GALNT11: variants seen among roughly 807,000 people sequenced by gnomAD.
The protein encoded by GALNT11 is polypeptide N-acetylgalactosaminyltransferase 11, also known as UDP-GalNAc:polypeptide N-acetylgalactosaminyltransferase 11.
In GALNT11, 47 loss-of-function variants were observed where a neutral mutation model predicts 72.7. The ratio of observed to expected loss-of-function variants is 0.65; its 90% CI spans 0.51 to 0.82. GALNT11 has a LOEUF of 0.82. Ranked by LOEUF, GALNT11 falls within the 40% of genes least tolerant of loss-of-function variation. GALNT11 has a pLI of 0.00. For missense variants in GALNT11, 677 were observed against 778.4 expected, an observed-to-expected ratio of 0.87 and a Z score of 1.55; for synonymous variants, 270 against 286.6, an observed-to-expected ratio of 0.94 and a Z score of 0.58.
In GALNT11 at chr7:152,118,794, C is replaced by T; in HGVS notation, c.1557+12C>T. 6.3e-7 allele frequency: 1 copy of T among 1,594,686 alleles called. No homozygotes were observed. The highest frequency in any genetic ancestry group is 1.1e-5 in the South Asian group (1 of 88,510). ...GTGACCCAAATCAGGTGAGTGACAC[C>T]TCGGGGCTCACAGCCAGTGTCCGCA... On this transcript the variant is annotated intron_variant, in intron 10 of 11. Transcript: ENST00000430044.
Position 152,117,284 on chromosome 7 carries a change from A to G in GALNT11, c.1361A>G (p.Glu454Gly), listed in dbSNP as rs1248271896. The part of the protein sequence containing the change: ...FKWYLDNVYP[E>G]MQISGSHAKP... ...TGGTATTTGGATAATGTATACCCAGAGATGCAGATATCTGGGTCCCACGCC... is the reference window on the plus strand; with the variant it reads ...TGGTATTTGGATAATGTATACCCAGGGATGCAGATATCTGGGTCCCACGCC... The change falls in exon 9 of 12, where the codon GAG becomes GGG. Residue 454 changes from glutamate (E) to glycine (G), a missense_variant. By Grantham distance (98) the Glu-to-Gly change is moderately conservative (BLOSUM62 -2). Transcript: ENST00000430044. 2 of 1,614,108 alleles carry G rather than the reference A, an allele frequency of 1.2e-6. No homozygotes were observed. Among genetic ancestry groups the G allele is most frequent in the Non-Finnish European group, 1.7e-6 (2 of 1,180,052 alleles).
chr7:152,121,612 A>AAGGGCTCTGTC lies in GALNT11; in HGVS notation c.1763_1773dup (p.Ala592ArgfsTer44). 6.2e-7 allele frequency: 1 copy of AAGGGCTCTGTC among 1,614,178 alleles called. No individual in the cohort carries two copies. The highest frequency in any genetic ancestry group is 1.1e-5 in the South Asian group (1 of 91,084). ...GAGAGCAGTGGATCCCCTGGGTCAG[A>AAGGGCTCTGTC]AGGGCTCTGTCGCCATGGCGATCTG... is the stretch of plus-strand genomic sequence containing the variant. On this transcript the variant is annotated frameshift_variant, in exon 12 of 12. Coordinates refer to ENST00000430044, the MANE Select transcript of GALNT11 (RefSeq NM_022087.4). LOFTEE classifies it high-confidence loss of function.
At chr7:152,093,700 A>T (rs898658924) in intron 1 of GALNT11, among the ~76,000 whole-genome samples, 1 of 152,128 alleles carries the variant, frequency 6.6e-6, no homozygotes, top group Non-Finnish European at 1.5e-5. Flanking sequence ...AAGTGCTGGG[A>T]TTACAATCAT....
chr7:152,102,562 A>G (rs1271228132), intron 3 of GALNT11, among the ~76,000 whole-genome samples: 4 of 152,118 alleles, frequency 2.6e-5, no homozygotes, highest in Non-Finnish European at 5.9e-5. Flanking sequence ...AAATTTATCC[A>G]AAAGTAAACA....
chr7:152,057,745 C>T (rs2083767561), intron 1 of GALNT11, among the ~76,000 whole-genome samples: 1 of 150,492 alleles, frequency 6.6e-6, no homozygotes, highest in African/African-American at 2.5e-5. Context: ...TATCCCATAT[C>T]CAATTTCCCC....
intron 1 of GALNT11, among the ~76,000 whole-genome samples, chr7:152,066,300 G>C (rs1480462739): frequency 1.3e-5 from 2 of 152,190 alleles, no homozygotes; most frequent in Non-Finnish European, 2.9e-5. Flanking sequence ...CACAGTATTA[G>C]GGTGGGAGTG....
chr7:152,104,346 A>G (rs2087294248), intron 4 of GALNT11: 1 of 152,210 alleles, frequency 6.6e-6, no homozygotes. Context: ...TCGAGCGTTT[A>G]TTAAGTACCA....
In GALNT11 at chr7:152,028,694, A is replaced by G. The variant is rs548957377; in HGVS notation, c.-39+2810A>G. 1.3e-4 allele frequency among the ~76,000 whole-genome samples: 19 copies of G among 151,426 alleles called. No individual in the cohort carries two copies. In the East Asian group the frequency reaches 3.7e-3, roughly 30 times the overall value. Reference sequence around the variant, plus strand: ...ACCTCTCAATCCCCCCCCTCTAAACAGGACACCCCAACTGCTGTTGGGAAT... The same window carrying G: ...ACCTCTCAATCCCCCCCCTCTAAACGGGACACCCCAACTGCTGTTGGGAAT... On this transcript the variant is annotated intron_variant, in intron 1 of 11. Coordinates refer to ENST00000430044, the MANE Select transcript of GALNT11 (RefSeq NM_022087.4).
chr7:152,083,108 AT>A (rs1215864970), intron 1 of GALNT11, among the ~76,000 whole-genome samples: 2 of 151,908 alleles, frequency 1.3e-5, no homozygotes, highest in African/African-American at 4.8e-5. Context: ...AATTGTGAGT[AT>A]TTTTTCTAGT....
chr7:152,037,184 T>C (rs530198969), intron 1 of GALNT11, among the ~76,000 whole-genome samples: 52 of 152,364 alleles, frequency 3.4e-4, no homozygotes, highest in African/African-American at 1.3e-3. Context: ...TTTCTTTTAG[T>C]AGTTTCATAG....
At chr7:152,068,716 T>C (rs1257873203) in intron 1 of GALNT11, among the ~76,000 whole-genome samples, 1 of 152,156 alleles carries the variant, frequency 6.6e-6, no homozygotes, top group Non-Finnish European at 1.5e-5. Context: ...TTTATCACTT[T>C]TTTTGATCTT....
chr7:152,028,206 C>A, intron 1 of GALNT11, among the ~76,000 whole-genome samples: 1 of 152,180 alleles, frequency 6.6e-6, no homozygotes, highest in East Asian at 1.9e-4. Flanking sequence ...TGCTTTTATT[C>A]CCTTATTTGG....
At chr7:152,095,669 C>T (rs1371781019) in intron 2 of GALNT11, among the ~76,000 whole-genome samples, 1 of 152,128 alleles carries the variant, frequency 6.6e-6, no homozygotes, top group African/African-American at 2.4e-5. Context: ...AGCCAGTGGA[C>T]ATTTTTAAAG....
chr7:152,108,775 T>A (rs1011278317), intron 6 of GALNT11, among the ~76,000 whole-genome samples: 5 of 152,248 alleles, frequency 3.3e-5, no homozygotes, highest in Admixed American at 2.6e-4. Context: ...CTGTGTTTCA[T>A]CTTCTGTAAT....
At position 152,035,123 on chromosome 7, in the gene GALNT11, G is replaced by A. The variant is rs375276723; in HGVS notation, c.-39+9239G>A. 3.9e-4 allele frequency among the ~76,000 whole-genome samples: 59 copies of A among 152,234 alleles called. No individual in the cohort carries two copies. In the East Asian group the frequency reaches 9.3e-3, roughly 24 times the overall value. ...AAGAATGTCATTTCTGAAGCTCCCC[G>A]TATCCTAGCTTCTGGAATAGCTTTT... On this transcript the variant is annotated intron_variant, in intron 1 of 11. Transcript: ENST00000430044.
intron 1 of GALNT11, among the ~76,000 whole-genome samples, chr7:152,060,455 AAG>A (rs1183656738): frequency 2.6e-5 from 4 of 151,462 alleles, no homozygotes; most frequent in African/African-American, 9.7e-5. Context: ...CTTCCTCACT[AAG>A]CTAAATTACT....
intron 1 of GALNT11, among the ~76,000 whole-genome samples, chr7:152,089,162 G>A (rs187318393): frequency 6.6e-6 from 1 of 152,256 alleles, no homozygotes; most frequent in African/African-American, 2.4e-5. Context: ...GAGTGTGGCT[G>A]ATGGGTTGGG....
At chr7:152,046,978 A>G (rs1158240349) in intron 1 of GALNT11, among the ~76,000 whole-genome samples, 1 of 152,126 alleles carries the variant, frequency 6.6e-6, no homozygotes, top group African/African-American at 2.4e-5. Flanking sequence ...TTTAGATTTG[A>G]GGTTACCACA....
Position 152,094,105 on chromosome 7 carries a change from G to C in GALNT11, c.-38-85G>C. The stretch of plus-strand genomic sequence containing the variant: ...AACTGTACGCATAGTGGTCCTACTT[G>C]GTGGTTTGGAAAACAGTGATTCTGT... On this transcript the variant is annotated intron_variant, in intron 1 of 11. Transcript: ENST00000430044. The surrounding 1 kb of genome is among the most constrained non-coding windows in gnomAD (Gnocchi z 4.3). 1 of 1,088,820 alleles carries C rather than the reference G, an allele frequency of 9.2e-7. No homozygotes were observed. Among genetic ancestry groups the C allele is most frequent in the African/African-American group, 1.6e-5 (1 of 63,556 alleles). The allele number at this position is 1,088,820 out of a possible 1,614,324, so 67.4% of individuals were successfully genotyped here. A position where few individuals can be genotyped will look rare whatever the true frequency, so the allele number is the denominator to read the frequency against.
Sources: allele counts gnomAD v4.1 joint callset (sites outside exome capture counted in the v4.1 genomes callset), GRCh38; gene constraint gnomAD v4.1.1; non-coding constraint Gnocchi (gnomAD v3.1); transcripts MANE v1.5; gene names NCBI Gene and HGNC (gene_info 2026-07-23, HGNC 2026-07-21).